The following CRYBG1 variants were observed in gnomAD, a reference collection of about 807,000 sequenced individuals.
CRYBG1 encodes beta/gamma crystallin domain-containing protein 1.
A neutral mutation model predicts 189.2 loss-of-function variants in CRYBG1; 139 were observed. The ratio of observed to expected loss-of-function variants is 0.73; its 90% CI spans 0.64 to 0.85. The LOEUF (loss-of-function observed/expected upper bound fraction) is 0.85. CRYBG1 is among the 40% of genes least tolerant of loss of function. The pLI, the probability that CRYBG1 is intolerant of heterozygous loss-of-function variation, is 0.00. For missense variants in CRYBG1, 2,611 were observed against 2,675.8 expected (o/e 0.98, Z 0.53); for synonymous variants, 1,023 against 1,017.1 (o/e 1.01, Z -0.11).
chr6:106,571,861 T>C lies in CRYBG1; in HGVS notation c.*3295T>C. On this transcript the variant is annotated 3_prime_UTR_variant, in exon 22 of 22. Transcript: ENST00000633556. ...CAATTACTGGCCAAAATGGTGTGTT[T>C]ATTTTTTAAAGCTTGTATCATGGAA... 1 of 592,378 alleles carries C rather than the reference T, an allele frequency of 1.7e-6. No homozygotes were observed. The highest frequency in any genetic ancestry group is 3.0e-6 in the Non-Finnish European group (1 of 333,590). 36.7% of individuals were successfully genotyped at this position (592,378 alleles called of 1,614,324 possible). A position where few individuals can be genotyped will look rare whatever the true frequency, so the allele number is the denominator to read the frequency against.
chr6:106,409,603 A>G (rs547306411), intron 1 of CRYBG1, among the ~76,000 whole-genome samples: 53 of 152,322 alleles, frequency 3.5e-4, no homozygotes, highest in African/African-American at 1.2e-3. Flanking sequence ...TGGAGGCTTC[A>G]TGCTACCTGA....
rs532623541 is a variant in CRYBG1 at position 106,496,042 on chromosome 6, T to C, written c.313-15388T>C. ...GTGTTCCCAGTGGGTGTTGACGGCC[T>C]TCTGCCCTCATCAGCCTGTCCCCAT... On this transcript the variant is annotated intron_variant, in intron 2 of 21. Transcript: ENST00000633556. 3.3e-5 allele frequency among the ~76,000 whole-genome samples: 5 copies of C among 152,296 alleles called. No homozygotes were observed. In the East Asian group the frequency reaches 5.8e-4, roughly 18 times the overall value.
chr6:106,376,788 G>A (rs911554886), intron 1 of CRYBG1, among the ~76,000 whole-genome samples: 3 of 152,156 alleles, frequency 2.0e-5, no homozygotes, highest in Non-Finnish European at 4.4e-5. Context: ...GTTCTCTGCT[G>A]AGAACCTGGC....
intron 2 of CRYBG1, among the ~76,000 whole-genome samples, chr6:106,467,999 T>A (rs1582779861): frequency 1.3e-5 from 2 of 151,464 alleles, no homozygotes; most frequent in Non-Finnish European, 2.9e-5. Flanking sequence ...AATGAGGGAG[T>A]CTTACAGAAT....
At chr6:106,431,684 C>G (rs1360800789) in intron 1 of CRYBG1, among the ~76,000 whole-genome samples, 1 of 152,186 alleles carries the variant, frequency 6.6e-6, no homozygotes, top group Non-Finnish European at 1.5e-5. Context: ...AATGGCCACA[C>G]TGTTTTGTAG....
intron 2 of CRYBG1, among the ~76,000 whole-genome samples, chr6:106,469,770 GAA>G (rs1017657972): frequency 2.0e-5 from 3 of 150,608 alleles, no homozygotes; most frequent in African/African-American, 7.3e-5. Context: ...GGCATTAAAA[GAA>G]AAAAAAAGAA....
rs1200496634 is a variant in CRYBG1 at position 106,550,398 on chromosome 6, G to A, written c.5313-1454G>A. On this transcript the variant is annotated intron_variant, in intron 13 of 21. Transcript: ENST00000633556. ...TGAATTAATTGAAAAGATACTTAAT[G>A]TCTTCAATATAATGGTATTAAGTAT... Among the ~76,000 whole-genome samples the A allele has an allele frequency of 2.0e-5, 3 of 152,186 alleles. No individual in the cohort carries two copies. In the East Asian group the frequency reaches 5.8e-4, roughly 29 times the overall value.
intron 2 of CRYBG1, among the ~76,000 whole-genome samples, chr6:106,462,142 T>TTTTG (rs144868471): frequency 6.6e-6 from 1 of 152,018 alleles, no homozygotes; most frequent in South Asian, 2.1e-4. Context: ...TTCTGAAGTT[T>TTTTG]TTTGTTTGTT....
chr6:106,391,966 TGTGTGC>T (rs1354924619), intron 1 of CRYBG1, among the ~76,000 whole-genome samples: 136 of 41,406 alleles, frequency 3.3e-3, no homozygotes, highest in African/African-American at 0.013. Context: ...TGTGTGTGTG[TGTGTGC>T]GTGCGCGTTT....
chr6:106,375,567 A>G (rs1198004098), intron 1 of CRYBG1, among the ~76,000 whole-genome samples: 1 of 152,212 alleles, frequency 6.6e-6, no homozygotes, highest in African/African-American at 2.4e-5. Context: ...GTCGGATTCC[A>G]GGCCCAAAGG....
chr6:106,384,224 G>A (rs1032807476), intron 1 of CRYBG1, among the ~76,000 whole-genome samples: 7 of 152,118 alleles, frequency 4.6e-5, no homozygotes, highest in African/African-American at 1.7e-4. Context: ...GGCTTTCTGG[G>A]GACTTCCCAT....
At chr6:106,428,934 T>A (rs533591954) in intron 1 of CRYBG1, among the ~76,000 whole-genome samples, 41 of 152,322 alleles carry the variant, frequency 2.7e-4, no homozygotes, top group African/African-American at 9.4e-4. Flanking sequence ...AACCAGAGTA[T>A]CCTTTCCCTT....
chr6:106,363,119 C>T (rs1241543662), intron 1 of CRYBG1, among the ~76,000 whole-genome samples: 2 of 150,394 alleles, frequency 1.3e-5, no homozygotes, highest in Non-Finnish European at 3.0e-5. Flanking sequence ...TGGCGCGCGC[C>T]TGTAGTCCCA....
chr6:106,502,123 C>T (rs905066950), intron 2 of CRYBG1, among the ~76,000 whole-genome samples: 9 of 152,198 alleles, frequency 5.9e-5, no homozygotes, highest in Non-Finnish European at 8.8e-5. Flanking sequence ...CCGCTTCACC[C>T]TCTTTCCCCC....
At chr6:106,561,302 C>T (rs1774710924) in intron 19 of CRYBG1, 40 bp from the exon 20 acceptor site, 4 of 1,599,996 alleles carry the variant, frequency 2.5e-6, no homozygotes, top group Middle Eastern at 3.3e-4. Flanking sequence ...CTTCCAGCAG[C>T]ACATCTGGTA....
intron 13 of CRYBG1, among the ~76,000 whole-genome samples, chr6:106,550,364 T>C (rs1156890734): frequency 6.6e-6 from 1 of 152,214 alleles, no homozygotes; most frequent in Non-Finnish European, 1.5e-5. Flanking sequence ...GAGAGGATCA[T>C]GAGAATGATG....
intron 13 of CRYBG1, among the ~76,000 whole-genome samples, chr6:106,545,186 C>T (rs2114576109): frequency 6.6e-6 from 1 of 152,154 alleles, no homozygotes; most frequent in Non-Finnish European, 1.5e-5. Context: ...GATCTGTTTC[C>T]CTTGTCATTC....
chr6:106,559,407 T>C (rs1302427367), intron 18 of CRYBG1, among the ~76,000 whole-genome samples: 2 of 152,234 alleles, frequency 1.3e-5, no homozygotes, highest in Non-Finnish European at 2.9e-5. Context: ...TTTAAGAAAG[T>C]ATTTTTCTTT....
At chr6:106,472,925 AG>A (rs1772265042) in intron 2 of CRYBG1, among the ~76,000 whole-genome samples, 2 of 150,996 alleles carry the variant, frequency 1.3e-5, no homozygotes, top group East Asian at 3.9e-4. Context: ...AAAAAAAAAA[AG>A]AAAGTATATT....
Sources: allele counts gnomAD v4.1 joint callset (sites outside exome capture counted in the v4.1 genomes callset), GRCh38; gene constraint gnomAD v4.1.1; transcripts MANE v1.5; gene names NCBI Gene and HGNC (gene_info 2026-07-23, HGNC 2026-07-21).